CARMIL1: variants seen among roughly 807,000 people sequenced by gnomAD.
CARMIL1 encodes the protein F-actin-uncapping protein LRRC16A.
CARMIL1 carries 90 observed loss-of-function variants against 177.1 expected under a neutral mutation model. The ratio of observed to expected loss-of-function variants is 0.51; its 90% confidence interval spans 0.43 to 0.61. The LOEUF (loss-of-function observed/expected upper bound fraction) is 0.61, where lower values mean the gene tolerates loss of function less well. Ranked by LOEUF, CARMIL1 falls within the 20% of genes least tolerant of loss-of-function variation. The pLI, the probability that CARMIL1 is intolerant of heterozygous loss-of-function variation, is 0.00. For missense variants in CARMIL1, 1,380 were observed against 1,667.0 expected (o/e 0.83, Z 3.00); for synonymous variants, 577 against 606.2 (o/e 0.95, Z 0.71).
At chr6:25,296,488 A>G (rs1400379240) in intron 2 of CARMIL1, among the ~76,000 whole-genome samples, 1 of 152,222 alleles carries the variant, frequency 6.6e-6, no homozygotes, top group African/African-American at 2.4e-5. Context: ...TGTCTCAGAA[A>G]ACAAGCACAG....
intron 2 of CARMIL1, among the ~76,000 whole-genome samples, chr6:25,310,407 T>C (rs1783704801): frequency 6.6e-6 from 1 of 152,172 alleles, no homozygotes; most frequent in Admixed American, 6.5e-5. Flanking sequence ...CATTAGTAGG[T>C]TGTGAATTCA....
chr6:25,339,567 A>G (rs1015683246), intron 2 of CARMIL1, among the ~76,000 whole-genome samples: 2 of 152,174 alleles, frequency 1.3e-5, no homozygotes, highest in African/African-American at 2.4e-5. Context: ...TTCCTTGAGT[A>G]CAAAAGTATC....
Position 25,279,800 on chromosome 6 carries a change from C to A in CARMIL1, c.5C>A (p.Thr2Asn). The stretch of plus-strand genomic sequence containing the variant: ...CCCCACACCTACAGGGCAACCATGA[C>A]CGAGGAGAGCTCTGACGTTCCCAGG... M[T>N]EESSDVPREL... is the part of the protein sequence containing the mutation. The change falls in exon 1 of 37, where the codon ACC becomes AAC. Residue 2 changes from threonine (T) to asparagine (N), a missense_variant. Coordinates refer to ENST00000329474, the MANE Select transcript of CARMIL1 (RefSeq NM_017640.6). 1 of 1,613,976 alleles carries A rather than the reference C, an allele frequency of 6.2e-7. No individual in the cohort carries two copies. The highest frequency in any genetic ancestry group is 8.5e-7 in the Non-Finnish European group (1 of 1,179,890).
At chr6:25,532,875 C>G (rs911655053) in intron 24 of CARMIL1, among the ~76,000 whole-genome samples, 1 of 152,180 alleles carries the variant, frequency 6.6e-6, no homozygotes, top group Non-Finnish European at 1.5e-5. Flanking sequence ...TGCAGCTACT[C>G]AACTCTGCTG....
intron 8 of CARMIL1, among the ~76,000 whole-genome samples, chr6:25,459,269 T>TCTTTCTTTCTTTCTTTCTC (rs56094712): frequency 1.7e-5 from 2 of 118,218 alleles, no homozygotes; most frequent in African/African-American, 6.4e-5. Context: ...TTTCTTTCTT[T>TCTTTCTTTCTTTCTTTCTC]TTTTTTTTTT....
intron 2 of CARMIL1, among the ~76,000 whole-genome samples, chr6:25,317,562 C>CT (rs33992407): frequency 0.51 from 54,038 of 106,816 alleles, 14,283 homozygotes; most frequent in Middle Eastern, 0.57. Context: ...TTACTTAGGA[C>CT]TTTTTTTTTT....
chr6:25,606,918 G>C (rs925158183), intron 35 of CARMIL1, among the ~76,000 whole-genome samples: 15 of 152,182 alleles, frequency 9.9e-5, no homozygotes, highest in African/African-American at 2.9e-4. Flanking sequence ...TTTGCTATTA[G>C]TTTAGAAAAT....
At chr6:25,311,741 A>G (rs994303331) in intron 2 of CARMIL1, among the ~76,000 whole-genome samples, 7 of 152,146 alleles carry the variant, frequency 4.6e-5, no homozygotes, top group Non-Finnish European at 8.8e-5. Flanking sequence ...ATCAGAAACA[A>G]TGGCACACTT....
At chr6:25,459,264 TTC>T (rs1491512353) in intron 8 of CARMIL1, among the ~76,000 whole-genome samples, 19 of 123,420 alleles carry the variant, frequency 1.5e-4, no homozygotes, top group African/African-American at 5.0e-4. Flanking sequence ...CTTTCTTTCT[TTC>T]TTTTTTTTTT....
chr6:25,576,356 A>C (rs1812586003), intron 29 of CARMIL1, among the ~76,000 whole-genome samples: 1 of 152,200 alleles, frequency 6.6e-6, no homozygotes, highest in South Asian at 2.1e-4. Flanking sequence ...ATTGAATTAC[A>C]CTGTGGGTAG....
chr6:25,595,471 CA>C (rs1814750364), intron 32 of CARMIL1, among the ~76,000 whole-genome samples: 1 of 152,148 alleles, frequency 6.6e-6, no homozygotes, highest in African/African-American at 2.4e-5. Context: ...CTTTAGGACC[CA>C]ATTATTTGTC....
intron 1 of CARMIL1, 146 bp downstream of exon 1, chr6:25,279,981 G>A: frequency 1.0e-6 from 1 of 962,678 alleles, no homozygotes; most frequent in Non-Finnish European, 1.7e-6. Flanking sequence ...CACTGGGGGT[G>A]CCGGGAAGTT....
At chr6:25,373,749 A>G (rs1276725267) in intron 2 of CARMIL1, among the ~76,000 whole-genome samples, 1 of 151,450 alleles carries the variant, frequency 6.6e-6, no homozygotes, top group African/African-American at 2.4e-5. Flanking sequence ...TGCCTGGCTA[A>G]TTTTTTTGTA....
chr6:25,335,892 G>A (rs998683588), intron 2 of CARMIL1, among the ~76,000 whole-genome samples: 2 of 150,592 alleles, frequency 1.3e-5, no homozygotes, highest in African/African-American at 4.8e-5. Flanking sequence ...GTCTTTTATA[G>A]GAAGAGTATG....
At chr6:25,538,028 C>T (rs780824774) in intron 25 of CARMIL1, 45 bp downstream of exon 25, 12 of 1,523,430 alleles carry the variant, frequency 7.9e-6, no homozygotes, top group East Asian at 4.8e-5. Flanking sequence ...ATAATAAAAA[C>T]GTTTCATAAA....
chr6:25,479,194 C>T (rs572039661), intron 11 of CARMIL1: 9 of 519,018 alleles, frequency 1.7e-5, no homozygotes, highest in East Asian at 1.1e-4. Context: ...CCAGCCCTGT[C>T]CTCTACCACT....
Position 25,510,688 on chromosome 6 carries a change from C to CA in CARMIL1, c.1578-19dup. ...GCTTTTGATTTGATTCCACTGTCCA[C>CA]ATCTCTAAAATCTCTTTAGAAATCT... On this transcript the variant is annotated intron_variant, in intron 19 of 36. Coordinates refer to ENST00000329474, the MANE Select transcript of CARMIL1 (RefSeq NM_017640.6). 1 of 1,531,972 alleles carries CA rather than the reference C, an allele frequency of 6.5e-7. No individual in the cohort carries two copies. The highest frequency in any genetic ancestry group is 8.9e-7 in the Non-Finnish European group (1 of 1,128,962). The allele number at this position is 1,531,972 out of a possible 1,614,324, so 94.9% of individuals were successfully genotyped here. A position where few individuals can be genotyped will look rare whatever the true frequency, so the allele number is the denominator to read the frequency against.
chr6:25,595,757 T>C lies in CARMIL1; in HGVS notation c.3119+1230T>C, dbSNP rs1814775424. Among the ~76,000 whole-genome samples, 3 of 152,336 alleles carry C rather than the reference T, an allele frequency of 2.0e-5. No homozygotes were observed. The South Asian group carries it at 6.2e-4, about 32-fold the overall frequency. On this transcript the variant is annotated intron_variant, in intron 32 of 36. Coordinates refer to ENST00000329474, the MANE Select transcript of CARMIL1 (RefSeq NM_017640.6). ...AAGGAATAGGTGAATGTGTTTTCAA[T>C]GTAAAAGATTCAAGAAAAACCAACA...
At chr6:25,329,664 G>A (rs149492255) in intron 2 of CARMIL1, among the ~76,000 whole-genome samples, 1 of 152,330 alleles carries the variant, frequency 6.6e-6, no homozygotes, top group East Asian at 1.9e-4. Flanking sequence ...TTTTGGAGAA[G>A]TCAAACAAGA....
Sources: gnomAD v4.1 joint callset for allele counts (sites outside exome capture counted in the v4.1 genomes callset) on GRCh38, gnomAD v4.1.1 for gene constraint, MANE v1.5 for transcripts, NCBI Gene and HGNC (gene_info 2026-07-23, HGNC 2026-07-21) for gene names.